The following AFF3 variants were observed in gnomAD, a reference collection of about 807,000 sequenced individuals.
The protein encoded by AFF3 is AF4/FMR2 family member 3.
In AFF3, 32 loss-of-function variants were observed where a neutral mutation model predicts 129.7. The ratio of observed to expected loss-of-function variants is 0.25; its 90% CI spans 0.19 to 0.33. The LOEUF (loss-of-function observed/expected upper bound fraction) is 0.33, where lower values mean the gene tolerates loss of function less well. Ranked by LOEUF, AFF3 falls within the 10% of genes least tolerant of loss-of-function variation. The pLI is 1.00. For missense variants in AFF3, 1,373 were observed against 1,592.0 expected (o/e 0.86, Z 2.34); for synonymous variants, 644 against 635.4 (o/e 1.01, Z -0.20).
At chr2:100,025,979 A>G (rs1271146653) in intron 4 of AFF3, among the ~76,000 whole-genome samples, 1 of 152,242 alleles carries the variant, frequency 6.6e-6, no homozygotes, top group Non-Finnish European at 1.5e-5. Context: ...CCTTCTAGAC[A>G]TTGGCTTAGG....
rs111878756 is a variant in AFF3 at position 99,938,432 on chromosome 2, C to CGATGAT, written c.873+68194_873+68199dup. Among the ~76,000 whole-genome samples the CGATGAT allele has an allele frequency of 4.0e-3, 605 of 151,400 alleles. 3 individuals are homozygous for CGATGAT. Among genetic ancestry groups the CGATGAT allele is most frequent in the African/African-American group, 0.014 (564 of 41,240 alleles). ...CTCAAAATAGTACATGACACACAGTCGATGATGATGATGATGATGATGATG... is the reference window on the plus strand; with the variant it reads ...CTCAAAATAGTACATGACACACAGTCGATGATGATGATGATGATGATGATGATGATG... On this transcript the variant is annotated intron_variant, in intron 7 of 24. Transcript: ENST00000672756.
intron 7 of AFF3, among the ~76,000 whole-genome samples, chr2:99,903,854 C>T (rs1694524020): frequency 6.6e-6 from 1 of 152,110 alleles, no homozygotes; most frequent in Admixed American, 6.5e-5. Flanking sequence ...TTCCTAAATA[C>T]ATTACAGGAA....
At chr2:99,565,742 G>T in intron 19 of AFF3, 119 bp from the exon 20 acceptor site, 1 of 1,119,868 alleles carries the variant, frequency 8.9e-7, no homozygotes, top group Non-Finnish European at 1.3e-6. Flanking sequence ...ATCCTATGAA[G>T]CTGAGAGAAG....
intron 8 of AFF3, among the ~76,000 whole-genome samples, chr2:99,792,193 C>T (rs1339958275): frequency 6.6e-6 from 1 of 152,130 alleles, no homozygotes; most frequent in Non-Finnish European, 1.5e-5. Context: ...GAATGGACAG[C>T]ATATGTGAGT....
At chr2:99,758,582 T>A (rs1447696683) in intron 8 of AFF3, among the ~76,000 whole-genome samples, 2 of 54,894 alleles carry the variant, frequency 3.6e-5, no homozygotes, top group East Asian at 6.2e-4. Context: ...CGAGACTCCA[T>A]CTCAAAAAAA....
At chr2:99,671,688 A>G (rs1415075156) in intron 12 of AFF3, among the ~76,000 whole-genome samples, 2 of 152,204 alleles carry the variant, frequency 1.3e-5, no homozygotes, top group South Asian at 2.1e-4. Context: ...TACAAAAATG[A>G]CTTATTAAAA....
intron 15 of AFF3, among the ~76,000 whole-genome samples, chr2:99,587,784 G>A (rs1678273899): frequency 6.6e-6 from 1 of 151,312 alleles, no homozygotes; most frequent in Non-Finnish European, 1.5e-5. Flanking sequence ...GGCCGAGGCA[G>A]GCGAATCACG....
chr2:100,054,493 A>G (rs1686607957), intron 4 of AFF3, among the ~76,000 whole-genome samples: 1 of 152,096 alleles, frequency 6.6e-6, no homozygotes, highest in Non-Finnish European at 1.5e-5. Flanking sequence ...AGCCTGCGAC[A>G]TCAGTTTTTC....
chr2:99,589,704 G>A (rs1307963117), intron 15 of AFF3, among the ~76,000 whole-genome samples: 3 of 151,968 alleles, frequency 2.0e-5, no homozygotes, highest in Non-Finnish European at 4.4e-5. Context: ...CGGCCCAGAT[G>A]TCAGCATTTT....
intron 11 of AFF3, among the ~76,000 whole-genome samples, chr2:99,697,197 C>A (rs1407585067): frequency 6.6e-6 from 1 of 152,200 alleles, no homozygotes; most frequent in East Asian, 1.9e-4. Context: ...GCGTGTTTTA[C>A]AAGAGTTCCA....
At chr2:99,607,784 C>A (rs1183325489) in intron 13 of AFF3, among the ~76,000 whole-genome samples, 1 of 152,244 alleles carries the variant, frequency 6.6e-6, no homozygotes, top group Non-Finnish European at 1.5e-5. Flanking sequence ...GTTTGCTCCT[C>A]CTCTTCAACA....
chr2:99,722,854 A>C (rs1365018885), intron 11 of AFF3, among the ~76,000 whole-genome samples: 2 of 152,104 alleles, frequency 1.3e-5, no homozygotes, highest in East Asian at 1.9e-4. Flanking sequence ...TGACACCTCA[A>C]GCCATTACAG....
intron 7 of AFF3, among the ~76,000 whole-genome samples, chr2:99,951,849 TTGGCCAGGCTG>T (rs1676197789): frequency 6.6e-6 from 1 of 152,226 alleles, no homozygotes; most frequent in Non-Finnish European, 1.5e-5. Context: ...TTTTGCCATG[TTGGCCAGGCTG>T]GCCTCAAACT....
At chr2:99,925,601 A>C (rs1168320004) in intron 7 of AFF3, among the ~76,000 whole-genome samples, 5 of 152,202 alleles carry the variant, frequency 3.3e-5, no homozygotes, top group Non-Finnish European at 5.9e-5. Context: ...CTCAAAAGTG[A>C]AGACAGACAG....
chr2:99,644,393 C>T (rs3811556), intron 13 of AFF3, among the ~76,000 whole-genome samples: 10,217 of 152,086 alleles, frequency 0.067, 430 homozygotes, highest in East Asian at 0.12. Context: ...TGCAGCCTCT[C>T]GTATTTCTAG....
At chr2:99,698,538 T>C (rs1676527434) in intron 11 of AFF3, among the ~76,000 whole-genome samples, 2 of 152,248 alleles carry the variant, frequency 1.3e-5, no homozygotes, top group African/African-American at 4.8e-5. Flanking sequence ...GCTTTTGATA[T>C]TGAGACAGTG....
At position 100,006,850 on chromosome 2, in the gene AFF3, A is replaced by T; in HGVS notation, c.655T>A (p.Ser219Thr). 1 of 1,614,082 alleles carries T rather than the reference A, an allele frequency of 6.2e-7. No homozygotes were observed. The highest frequency in any genetic ancestry group is 1.1e-5 in the South Asian group (1 of 91,074). The change falls in exon 7 of 25, where the codon TCC becomes ACC. Residue 219 changes from serine (S) to threonine (T), a missense_variant. Ser to Thr is a moderately conservative substitution (Grantham distance 58). Transcript: ENST00000672756. ...SGHCVQNFPP[S>T]LASKPSLVQQ... Reference sequence around the variant, plus strand: ...ACCAGGCTGGGTTTTGAAGCTAGGGATGGAGGAAAGTTCTGAACACAGTGT... The same window carrying T: ...ACCAGGCTGGGTTTTGAAGCTAGGGTTGGAGGAAAGTTCTGAACACAGTGT...
At chr2:100,036,012 T>G (rs949845370) in intron 4 of AFF3, among the ~76,000 whole-genome samples, 2 of 152,032 alleles carry the variant, frequency 1.3e-5, no homozygotes, top group African/African-American at 4.8e-5. Context: ...ATTTCTCCTC[T>G]GTCCCTTGAA....
At chr2:100,057,157 C>A (rs890173900) in intron 4 of AFF3, among the ~76,000 whole-genome samples, 1 of 151,840 alleles carries the variant, frequency 6.6e-6, no homozygotes, top group African/African-American at 2.4e-5. Context: ...TCTGTCTCAA[C>A]CAAAAATACA....
Sources: allele counts gnomAD v4.1 joint callset (sites outside exome capture counted in the v4.1 genomes callset), GRCh38; gene constraint gnomAD v4.1.1; transcripts MANE v1.5; gene names NCBI Gene and HGNC (gene_info 2026-07-23, HGNC 2026-07-21).